GABRG3: variants seen among roughly 807,000 people sequenced by gnomAD.
GABRG3 encodes the protein gamma-aminobutyric acid type A receptor subunit gamma3.
In GABRG3, 25 loss-of-function variants were observed where a neutral mutation model predicts 48.8. That is an observed-to-expected ratio of 0.51 (90% CI 0.37 to 0.72). The LOEUF is 0.72. GABRG3 is among the 30% of genes least tolerant of loss of function. The pLI is 0.00. For synonymous variants in GABRG3, 227 were observed against 217.6 expected (o/e 1.04, Z -0.38); for missense variants, 394 against 577.9 (o/e 0.68, Z 3.26).
chr15:27,289,544 G>A (rs1482041997), intron 3 of GABRG3, among the ~76,000 whole-genome samples: 1 of 152,128 alleles, frequency 6.6e-6, no homozygotes, highest in Non-Finnish European at 1.5e-5. Flanking sequence ...CAAATGAGTG[G>A]CATCTGTAAG....
At chr15:27,182,887 G>A (rs1321234445) in intron 3 of GABRG3, among the ~76,000 whole-genome samples, 2 of 152,168 alleles carry the variant, frequency 1.3e-5, no homozygotes, top group Non-Finnish European at 2.9e-5. Flanking sequence ...CAGTGTTTAC[G>A]GGAAACCTGC....
At chr15:27,462,587 T>C (rs1338658632) in intron 5 of GABRG3, among the ~76,000 whole-genome samples, 1 of 152,242 alleles carries the variant, frequency 6.6e-6, no homozygotes, top group Non-Finnish European at 1.5e-5. Flanking sequence ...CAGTGTTTAT[T>C]ATTCTAATTA....
intron 3 of GABRG3, among the ~76,000 whole-genome samples, chr15:27,232,043 A>G (rs568182398): frequency 3.1e-4 from 47 of 152,356 alleles, no homozygotes; most frequent in South Asian, 6.2e-4. Context: ...GAAGACATCA[A>G]TAGGCTCTCC....
chr15:27,532,192 A>G (rs966700237), intron 9 of GABRG3, among the ~76,000 whole-genome samples: 2 of 152,224 alleles, frequency 1.3e-5, no homozygotes, highest in African/African-American at 4.8e-5. Flanking sequence ...TGACTAATAC[A>G]CATTTGAAAA....
At chr15:27,104,445 T>C (rs1352773297) in intron 3 of GABRG3, among the ~76,000 whole-genome samples, 2 of 152,230 alleles carry the variant, frequency 1.3e-5, no homozygotes, top group Non-Finnish European at 2.9e-5. Flanking sequence ...AATTTGTGTT[T>C]GTTTATTGGT....
chr15:27,504,756 G>A (rs1890724196), intron 6 of GABRG3, among the ~76,000 whole-genome samples: 1 of 151,708 alleles, frequency 6.6e-6, no homozygotes, highest in Non-Finnish European at 1.5e-5. Context: ...TTGTAGTGTG[G>A]GTTTGCTAGT....
chr15:27,524,405 AG>A (rs1369834643), intron 7 of GABRG3, among the ~76,000 whole-genome samples: 9 of 152,164 alleles, frequency 5.9e-5, no homozygotes, highest in African/African-American at 2.2e-4. Context: ...AATGATGAGA[AG>A]AAATTTTTAA....
chr15:27,301,791 T>G (rs1892216790), intron 3 of GABRG3, among the ~76,000 whole-genome samples: 1 of 151,960 alleles, frequency 6.6e-6, no homozygotes, highest in Non-Finnish European at 1.5e-5. Flanking sequence ...CCATATTACA[T>G]TTTTTACAAA....
intron 3 of GABRG3, among the ~76,000 whole-genome samples, chr15:27,087,768 G>A (rs1470882454): frequency 6.6e-6 from 1 of 151,436 alleles, no homozygotes; most frequent in Non-Finnish European, 1.5e-5. Context: ...TGTGGTGTGT[G>A]TATATGTAGG....
chr15:27,107,543 G>A (rs1181208029), intron 3 of GABRG3, among the ~76,000 whole-genome samples: 1 of 151,918 alleles, frequency 6.6e-6, no homozygotes, highest in Non-Finnish European at 1.5e-5. Context: ...TTAGGGTAAT[G>A]CTGGCCTCAT....
intron 3 of GABRG3, among the ~76,000 whole-genome samples, chr15:27,089,759 GT>G: frequency 6.6e-6 from 1 of 152,340 alleles, no homozygotes; most frequent in East Asian, 1.9e-4. Context: ...GCATTTGTTC[GT>G]TCTGAATATT....
At chr15:27,393,569 A>T (rs1369690260) in intron 5 of GABRG3, among the ~76,000 whole-genome samples, 1 of 152,160 alleles carries the variant, frequency 6.6e-6, no homozygotes, top group Admixed American at 6.5e-5. Flanking sequence ...TACATCATGG[A>T]TCATTCTAGC....
intron 3 of GABRG3, among the ~76,000 whole-genome samples, chr15:27,286,218 A>G (rs1223450900): frequency 6.6e-6 from 1 of 152,200 alleles, no homozygotes; most frequent in Non-Finnish European, 1.5e-5. Context: ...TGGAGCATCA[A>G]CCCTTTACAT....
At chr15:27,188,489 A>AT (rs1566958980) in intron 3 of GABRG3, among the ~76,000 whole-genome samples, 1 of 151,840 alleles carries the variant, frequency 6.6e-6, no homozygotes, top group African/African-American at 2.4e-5. Context: ...GATGATGAGC[A>AT]TTTTTTCATG....
chr15:27,020,984 G>A (rs982938675), intron 2 of GABRG3, among the ~76,000 whole-genome samples: 6 of 152,046 alleles, frequency 3.9e-5, no homozygotes, highest in South Asian at 2.1e-4. Flanking sequence ...CTAGGTAATC[G>A]GTAAGGTGAC....
chr15:27,375,873 A>G (rs1463122898), intron 5 of GABRG3, among the ~76,000 whole-genome samples: 2 of 152,258 alleles, frequency 1.3e-5, no homozygotes, highest in South Asian at 4.2e-4. Flanking sequence ...TTCAAAATCA[A>G]TCATGCCTTC....
At chr15:27,104,016 C>T (rs967677346) in intron 3 of GABRG3, among the ~76,000 whole-genome samples, 6 of 152,156 alleles carry the variant, frequency 3.9e-5, no homozygotes, top group Non-Finnish European at 7.4e-5. Flanking sequence ...TCAGCCAGAA[C>T]CTTATGGAGC....
At chr15:27,120,602 G>C (rs1235641198) in intron 3 of GABRG3, among the ~76,000 whole-genome samples, 1 of 151,904 alleles carries the variant, frequency 6.6e-6, no homozygotes, top group African/African-American at 2.4e-5. Flanking sequence ...AATTATCAAG[G>C]TCTAATTGCG....
chr15:27,309,485 C>T (rs562559482), intron 3 of GABRG3, among the ~76,000 whole-genome samples: 3 of 151,776 alleles, frequency 2.0e-5, no homozygotes, highest in Non-Finnish European at 4.4e-5. Flanking sequence ...ACTTAAATAC[C>T]TTAAACAAAA....
Sources: allele counts gnomAD v4.1 joint callset (sites outside exome capture counted in the v4.1 genomes callset), GRCh38; gene constraint gnomAD v4.1.1; transcripts MANE v1.5; gene names NCBI Gene and HGNC (gene_info 2026-07-23, HGNC 2026-07-21).